The following TMEM164 variants were observed in gnomAD, a reference collection of about 807,000 sequenced individuals.
TMEM164 encodes RP13-360B22.2.
In TMEM164, 4 loss-of-function variants were observed where a neutral mutation model predicts 18.8. The observed-to-expected ratio is 0.21, with a 90% confidence interval of 0.10 to 0.49. The LOEUF (loss-of-function observed/expected upper bound fraction) is 0.49. Ranked by LOEUF, TMEM164 falls within the 20% of genes least tolerant of loss-of-function variation. The pLI, the probability that TMEM164 is intolerant of heterozygous loss-of-function variation, is 0.98. For missense variants in TMEM164, 108 were observed against 239.9 expected (o/e 0.45, Z 3.63); for synonymous variants, 86 against 101.7 (o/e 0.85, Z 0.93).
intron 2 of TMEM164, among the ~76,000 whole-genome samples, chrX:110,064,423 C>T (rs931291179): frequency 1.8e-5 from 2 of 111,838 alleles, no homozygotes; most frequent in Non-Finnish European, 3.8e-5. Flanking sequence ...GGGGCCCTTG[C>T]ACCTCTGAAT....
At chrX:110,147,975 A>C in intron 5 of TMEM164, among the ~76,000 whole-genome samples, 1 of 109,379 alleles carries the variant, frequency 9.1e-6, no homozygotes, top group Admixed American at 9.8e-5. Context: ...AAAGTGTCTC[A>C]CCTCCCTTGT....
At chrX:110,017,580 T>C (rs1382659027) in intron 2 of TMEM164, among the ~76,000 whole-genome samples, 4 of 88,074 alleles carry the variant, frequency 4.5e-5, no homozygotes, top group Non-Finnish European at 6.6e-5. Context: ...TCATTTTTTT[T>C]TTTTTTGAGA....
intron 4 of TMEM164, among the ~76,000 whole-genome samples, chrX:110,111,041 G>A (rs2066283675): frequency 8.9e-6 from 1 of 112,222 alleles, no homozygotes; most frequent in Non-Finnish European, 1.9e-5. Context: ...GTTGGGGAGG[G>A]CAGGGGGCAC....
intron 2 of TMEM164, among the ~76,000 whole-genome samples, chrX:110,009,099 C>G (rs1245765402): frequency 2.7e-5 from 3 of 112,040 alleles, no homozygotes; most frequent in Non-Finnish European, 5.6e-5. Flanking sequence ...TTTTCCCAGT[C>G]TTTTCATGCC....
At chrX:110,048,342 T>C (rs778986692) in intron 2 of TMEM164, among the ~76,000 whole-genome samples, 3 of 111,848 alleles carry the variant, frequency 2.7e-5, no homozygotes, top group Non-Finnish European at 5.6e-5. Context: ...TAGAGTGATT[T>C]GTATGCTTTA....
intron 4 of TMEM164, among the ~76,000 whole-genome samples, chrX:110,130,920 A>T (rs1215579535): frequency 8.9e-6 from 1 of 112,012 alleles, no homozygotes; most frequent in Non-Finnish European, 1.9e-5. Context: ...AGAGTTAAAC[A>T]GAAGAGAAGA....
intron 2 of TMEM164, among the ~76,000 whole-genome samples, chrX:110,059,440 G>A (rs1415093264): frequency 4.5e-5 from 5 of 111,329 alleles, no homozygotes; most frequent in African/African-American, 1.6e-4. Context: ...GGTTGGTTTG[G>A]CTGTTTGGGG....
intron 5 of TMEM164, among the ~76,000 whole-genome samples, chrX:110,149,016 A>C (rs1465039176): frequency 9.0e-6 from 1 of 110,901 alleles, no homozygotes; most frequent in East Asian, 2.8e-4. Context: ...GGGCAAGACA[A>C]TTTTTGTCTT....
chrX:110,171,549 C>T, intron 6 of TMEM164, 29 bp downstream of exon 6: 2 of 1,095,203 alleles, frequency 1.8e-6, no homozygotes, highest in Non-Finnish European at 2.5e-6. Context: ...CCTTCTATCC[C>T]CTCTGTTTGC....
chrX:110,175,373 C>T lies in TMEM164; in HGVS notation c.*1922C>T, dbSNP rs1008631760. The T allele has an allele frequency of 3.5e-5, 4 of 113,337 alleles. No homozygotes were observed. The highest frequency in any genetic ancestry group is 3.6e-4 in the South Asian group (1 of 2,814). The allele number at this position is 113,337 out of a possible 1,213,427, so 9.3% of individuals were successfully genotyped here. A position where few individuals can be genotyped will look rare whatever the true frequency, so the allele number is the denominator to read the frequency against. ...GGGCCTGGTCTGTCCTCCACCAGAA[C>T]TTGGAGTTGCTGCCAGCAGAGGATC... is the stretch of plus-strand genomic sequence containing the variant. On this transcript the variant is annotated 3_prime_UTR_variant, in exon 7 of 7. Transcript: ENST00000372068.
At chrX:110,038,453 C>T (rs1401596926) in intron 2 of TMEM164, among the ~76,000 whole-genome samples, 1 of 111,415 alleles carries the variant, frequency 9.0e-6, no homozygotes, top group African/African-American at 3.3e-5. Context: ...AGCTGAGGAA[C>T]AGCCTCCCTT....
chrX:110,121,658 C>T (rs1425228485), intron 4 of TMEM164, among the ~76,000 whole-genome samples: 2 of 112,192 alleles, frequency 1.8e-5, no homozygotes, highest in Non-Finnish European at 3.8e-5. Flanking sequence ...CTGCTATGAA[C>T]ATTTGTATAA....
intron 3 of TMEM164, among the ~76,000 whole-genome samples, chrX:110,091,171 T>A (rs1426410623): frequency 4.5e-5 from 5 of 112,294 alleles, no homozygotes; most frequent in African/African-American, 1.6e-4. Flanking sequence ...TAAACATACA[T>A]GTGCATGTGT....
chrX:110,178,534 C>T (rs2067310944), downstream of TMEM164, among the ~76,000 whole-genome samples: 6 of 112,477 alleles, frequency 5.3e-5, no homozygotes, highest in South Asian at 2.2e-3. Flanking sequence ...CATCCCTACC[C>T]TGGGCAGTCT....
chrX:110,108,498 A>C (rs1414799126), intron 3 of TMEM164, among the ~76,000 whole-genome samples: 1 of 111,536 alleles, frequency 9.0e-6, no homozygotes, highest in African/African-American at 3.3e-5. Context: ...CACAGAGCCC[A>C]ATATGTAAAT....
At chrX:110,142,682 C>G (rs1301372252) in intron 4 of TMEM164, among the ~76,000 whole-genome samples, 2 of 113,224 alleles carry the variant, frequency 1.8e-5, no homozygotes, top group East Asian at 5.5e-4. Context: ...AATCATACAA[C>G]AATCTTAGAA....
chrX:110,053,146 A>C (rs1349777096), intron 2 of TMEM164, among the ~76,000 whole-genome samples: 1 of 111,885 alleles, frequency 8.9e-6, no homozygotes, highest in African/African-American at 3.3e-5. Context: ...CAAAGATAGG[A>C]AAGCAAAGAT....
At chrX:110,127,467 C>T (rs866184154) in intron 4 of TMEM164, among the ~76,000 whole-genome samples, 2 of 111,700 alleles carry the variant, frequency 1.8e-5, no homozygotes, top group African/African-American at 3.3e-5. Context: ...GAGCCAAGAT[C>T]GCACCATTGC....
intron 2 of TMEM164, among the ~76,000 whole-genome samples, chrX:110,058,061 T>C (rs1166266189): frequency 1.8e-5 from 2 of 111,753 alleles, no homozygotes; most frequent in Non-Finnish European, 3.8e-5. Flanking sequence ...TGTTTTCTTC[T>C]AGGAGTTTTA....
Sources: allele counts gnomAD v4.1 joint callset (sites outside exome capture counted in the v4.1 genomes callset), GRCh38; gene constraint gnomAD v4.1.1; transcripts MANE v1.5; gene names NCBI Gene and HGNC (gene_info 2026-07-23, HGNC 2026-07-21).